The following EBNA1BP2 variants were observed in gnomAD, a reference collection of about 807,000 sequenced individuals.
EBNA1BP2 encodes the protein probable rRNA-processing protein EBP2.
Under a neutral mutation model 43.5 loss-of-function variants are expected in EBNA1BP2, and 36 were observed. The observed-to-expected ratio is 0.83, with a 90% CI of 0.63 to 1.09. The LOEUF is 1.09. EBNA1BP2 is among the 50% of genes least tolerant of loss of function. The pLI, the probability that EBNA1BP2 is intolerant of heterozygous loss-of-function variation, is 0.00. For synonymous variants in EBNA1BP2, 127 were observed against 141.3 expected (o/e 0.90, Z 0.72); for missense variants, 332 against 379.1 (o/e 0.88, Z 1.03).
chr1:43,172,234 C>T lies in EBNA1BP2; in HGVS notation c.-116G>A. 1 of 1,568,228 alleles carries T rather than the reference C, an allele frequency of 6.4e-7. No homozygotes were observed. The highest frequency in any genetic ancestry group is 8.7e-7 in the Non-Finnish European group (1 of 1,155,698). On this transcript the variant is annotated 5_prime_UTR_variant, in exon 1 of 9. Transcript: ENST00000236051. ...CTGCCTTCAGCCCCCTACTCCCACG[C>T]CGTGGCTCCACGTGCCACCGAATCG...
chr1:43,170,676 T>G, intron 4 of EBNA1BP2, 80 bp downstream of exon 4: 1 of 1,539,404 alleles, frequency 6.5e-7, no homozygotes, highest in Non-Finnish European at 8.7e-7. Flanking sequence ...GTTATTGGGC[T>G]CATAGCTATC....
intron 3 of EBNA1BP2, 196 bp from the exon 4 acceptor site, chr1:43,171,075 G>A (rs1644961751): frequency 2.7e-6 from 2 of 739,406 alleles, no homozygotes; most frequent in Non-Finnish European, 3.9e-6. Flanking sequence ...TTTTAAAAAG[G>A]GGAGGGGTGT....
intron 7 of EBNA1BP2, 41 bp from the exon 8 acceptor site, chr1:43,164,846 A>T: frequency 7.5e-6 from 12 of 1,604,792 alleles, no homozygotes; most frequent in African/African-American, 1.3e-5. Context: ...AGCACTGTAA[A>T]GCCTGATGAA....
At chr1:43,172,301 T>C, upstream of EBNA1BP2, 1 of 1,551,834 alleles carries the variant, frequency 6.4e-7, no homozygotes, top group African/African-American at 1.4e-5. Flanking sequence ...AACTTTTGAT[T>C]GGGACTTCCG....
At chr1:43,172,558 A>G, upstream of EBNA1BP2, 1 of 548,196 alleles carries the variant, frequency 1.8e-6, no homozygotes, top group Non-Finnish European at 2.8e-6. Flanking sequence ...GCGGAGGAGG[A>G]CCCCGGGGGA....
chr1:43,170,629 G>C lies in EBNA1BP2; in HGVS notation c.447+127C>G. ...ATGACTCTGAAGTAGCCAATCTATG[G>C]AAGAGGTAATAATTGTCCTCTGACA... On this transcript the variant is annotated intron_variant, in intron 4 of 8. Transcript: ENST00000236051. The C allele has an allele frequency of 2.2e-6, 3 of 1,352,366 alleles. No homozygotes were observed. The South Asian group carries it at 4.2e-5, about 19-fold the overall frequency. 83.8% of individuals were successfully genotyped at this position (1,352,366 alleles called of 1,614,324 possible).
At position 43,167,243 on chromosome 1, in the gene EBNA1BP2, A is replaced by T; in HGVS notation, c.538-8T>A. 2 of 1,614,016 alleles carry T rather than the reference A, an allele frequency of 1.2e-6. No homozygotes were observed. Among genetic ancestry groups the T allele is most frequent in the Non-Finnish European group, 1.7e-6 (2 of 1,179,928 alleles). The stretch of plus-strand genomic sequence containing the variant: ...AAGAACCTCCGTTTGCACCTGTGAT[A>T]TGAACACAAGGACCGTTACAGCCAT... On this transcript the variant is annotated splice_polypyrimidine_tract_variant and splice_region_variant and intron_variant, in intron 5 of 8. Transcript: ENST00000236051.
intron 2 of EBNA1BP2, 105 bp from the exon 3 acceptor site, chr1:43,171,756 G>C: frequency 6.4e-7 from 1 of 1,561,770 alleles, no homozygotes; most frequent in Non-Finnish European, 8.7e-7. Flanking sequence ...CCAATACCCA[G>C]ACAGGTAATT....
At chr1:43,172,562 CG>C (rs1490467535), upstream of EBNA1BP2, 3 of 407,440 alleles carry the variant, frequency 7.4e-6, no homozygotes, top group Non-Finnish European at 1.2e-5. Flanking sequence ...AGGAGGACCC[CG>C]GGGGAGGGGA....
intron 3 of EBNA1BP2, 132 bp from the exon 4 acceptor site, chr1:43,171,011 A>C: frequency 7.7e-7 from 1 of 1,295,860 alleles, no homozygotes; most frequent in Non-Finnish European, 1.0e-6. Context: ...GAACAAACAA[A>C]CAAAAACTGT....
chr1:43,171,764 A>G (rs1293134197), intron 2 of EBNA1BP2, 113 bp from the exon 3 acceptor site: 2 of 1,562,758 alleles, frequency 1.3e-6, no homozygotes, highest in Non-Finnish European at 1.7e-6. Context: ...CAGACAGGTA[A>G]TTGACCCTCT....
Position 43,166,875 on chromosome 1 carries a change from G to A in EBNA1BP2, c.658C>T (p.Leu220=). 1 of 1,613,274 alleles carries A rather than the reference G, an allele frequency of 6.2e-7. No homozygotes were observed. Among genetic ancestry groups the A allele is most frequent in the Non-Finnish European group, 8.5e-7 (1 of 1,179,768 alleles). ...GCTCCTGCCTTCTTGCGCTGTGCCA[G>A]AGGTTTCTGATCTCCCTCAAGGAAA... ...LDFLEGDQKP[L]AQRKKAGAKG... is the part of the protein sequence containing the mutation. The change falls in exon 7 of 9, where the codon CTG becomes TTG. Residue 220 remains leucine (L), a synonymous_variant. Coordinates refer to ENST00000236051, the MANE Select transcript of EBNA1BP2 (RefSeq NM_006824.3).
intron 6 of EBNA1BP2, 113 bp downstream of exon 6, chr1:43,167,047 C>T: frequency 6.7e-7 from 1 of 1,494,080 alleles, no homozygotes; most frequent in Non-Finnish European, 9.3e-7. Flanking sequence ...ACACCATTCC[C>T]AAAACTTTGA....
chr1:43,170,611 T>C (rs1327610623), intron 4 of EBNA1BP2, 145 bp downstream of exon 4: 1 of 1,229,960 alleles, frequency 8.1e-7, no homozygotes, highest in Non-Finnish European at 1.1e-6. Context: ...GGCATGACTC[T>C]GAAGTAGCCA....
At position 43,172,286 on chromosome 1, in the gene EBNA1BP2, T is replaced by C. The variant is rs781631283; in HGVS notation, c.-168A>G. The C allele has an allele frequency of 3.2e-6, 5 of 1,552,364 alleles. No individual in the cohort carries two copies. In the South Asian group the frequency reaches 3.6e-5, roughly 11 times the overall value. On this transcript the variant is annotated 5_prime_UTR_variant, in exon 1 of 9. Coordinates refer to ENST00000236051, the MANE Select transcript of EBNA1BP2 (RefSeq NM_006824.3). Reference sequence around the variant, plus strand: ...TCCAGCGCCAGCAACTCACAGCTACTGCTCAACTTTTGATTGGGACTTCCG... The same window carrying C: ...TCCAGCGCCAGCAACTCACAGCTACCGCTCAACTTTTGATTGGGACTTCCG...
upstream of EBNA1BP2, chr1:43,172,353 G>C (rs763685636): frequency 2.6e-6 from 4 of 1,551,642 alleles, no homozygotes; most frequent in South Asian, 3.6e-5. Context: ...CGTTGCTATA[G>C]GAACCGCTAC....
chr1:43,171,492 G>C lies in EBNA1BP2; in HGVS notation c.310C>G (p.Arg104Gly), dbSNP rs149560298. The C allele has an allele frequency of 6.2e-7, 1 of 1,609,552 alleles. No homozygotes were observed. Among genetic ancestry groups the C allele is most frequent in the African/African-American group, 1.3e-5 (1 of 74,442 alleles). ...AAACAAACATACAAACTCATCTCTC[G>C]CTGGAAGTCGTCTTCTGGATCAACA... ...KAVDPEDDFQ[R>G]EMSFYRQAQA... The change falls in exon 3 of 9, where the codon CGA becomes GGA. Residue 104 changes from arginine (R) to glycine (G), a missense_variant. Around this residue, in one of 3 missense-constraint regions of EBNA1BP2, gnomAD observed 182 missense variants for 173.7 expected, o/e 1.05. Coordinates refer to ENST00000236051, the MANE Select transcript of EBNA1BP2 (RefSeq NM_006824.3).
upstream of EBNA1BP2, chr1:43,172,537 G>T (rs972294217): frequency 3.9e-6 from 5 of 1,277,738 alleles, no homozygotes; most frequent in South Asian, 4.1e-5. Context: ...GAGCCGCGGG[G>T]GTGGGGTGGC....
rs1644903113 is a variant in EBNA1BP2, at chr1:43,164,287, AC to A, written c.*155del. The A allele has an allele frequency of 2.5e-6, 2 of 799,426 alleles. No individual in the cohort carries two copies. The allele number at this position is 799,426 out of a possible 1,614,324, so 49.5% of individuals were successfully genotyped here. ...GTAACTTCTCAATCTTTTAGTCTAG[AC>A]TATTTAACCAAAGGTATGTGTTCCT... On this transcript the variant is annotated 3_prime_UTR_variant, in exon 9 of 9. Coordinates refer to ENST00000236051, the MANE Select transcript of EBNA1BP2 (RefSeq NM_006824.3).
Sources: gnomAD v4.1 joint callset for allele counts on GRCh38, gnomAD v4.1.1 for gene constraint, gnomAD v4.1.1 regional missense constraint, MANE v1.5 for transcripts, NCBI Gene and HGNC (gene_info 2026-07-23, HGNC 2026-07-21) for gene names.